CSMD1: variants seen among roughly 807,000 people sequenced by gnomAD.
CSMD1 encodes the protein CUB and sushi domain-containing protein 1.
A neutral mutation model predicts 417.5 loss-of-function variants in CSMD1; 213 were observed. The ratio of observed to expected loss-of-function variants is 0.51; its 90% CI spans 0.46 to 0.57. The LOEUF (loss-of-function observed/expected upper bound fraction) is 0.57. Among genes scored for constraint, CSMD1 ranks in the 20% least tolerant of loss-of-function variants. The probability of loss-of-function intolerance (pLI) is 0.00; values close to 1 mark genes in which losing one functional copy is unlikely to be tolerated. For synonymous variants in CSMD1, 2,862 were observed against 1,736.8 expected (o/e 1.65, Z -16.11); for missense variants, 6,923 against 4,529.7 (o/e 1.53, Z -15.17).
intron 7 of CSMD1, among the ~76,000 whole-genome samples, chr8:3,643,351 G>A (rs956647084): frequency 6.6e-6 from 1 of 152,130 alleles, no homozygotes; most frequent in South Asian, 2.1e-4. Context: ...AATCACTGAA[G>A]AAATGGGGTT....
chr8:4,167,312 C>G (rs146155043), intron 3 of CSMD1, among the ~76,000 whole-genome samples: 2 of 152,090 alleles, frequency 1.3e-5, no homozygotes, highest in African/African-American at 2.4e-5. Context: ...AGCATTCTTA[C>G]GTAACTTAGA....
intron 49 of CSMD1, among the ~76,000 whole-genome samples, chr8:3,077,571 T>C (rs1813774269): frequency 6.6e-6 from 1 of 152,202 alleles, no homozygotes; most frequent in Non-Finnish European, 1.5e-5. Flanking sequence ...TCACTTCCTT[T>C]GAATTGTTTG....
chr8:3,684,091 A>G (rs1383483426), intron 7 of CSMD1, among the ~76,000 whole-genome samples: 3 of 147,098 alleles, frequency 2.0e-5, no homozygotes, highest in African/African-American at 7.4e-5. Flanking sequence ...GCAACTTTAA[A>G]TGTATAGATA....
chr8:4,440,292 C>A (rs940338182), intron 2 of CSMD1, among the ~76,000 whole-genome samples: 1 of 152,088 alleles, frequency 6.6e-6, no homozygotes, highest in Non-Finnish European at 1.5e-5. Context: ...GGTACTATAA[C>A]CAGAAAAATG....
In CSMD1 at chr8:4,268,293, C is replaced by T. The variant is rs577443880; in HGVS notation, c.415+151660G>A. Among the ~76,000 whole-genome samples the T allele has an allele frequency of 7.2e-5, 11 of 152,196 alleles. No homozygotes were observed. The South Asian group carries it at 2.1e-3, about 29-fold the overall frequency. On this transcript the variant is annotated intron_variant, in intron 3 of 69. Transcript: ENST00000635120. ...TTTCTATATTTGAACAAAATGATGA[C>T]TACAGCTACATATAAAACCATTATG...
intron 46 of CSMD1, among the ~76,000 whole-genome samples, chr8:3,105,611 A>G (rs1563345790): frequency 6.6e-6 from 1 of 152,238 alleles, no homozygotes; most frequent in African/African-American, 2.4e-5. Flanking sequence ...CTATTATTGT[A>G]TATTGTCTAT....
intron 51 of CSMD1, among the ~76,000 whole-genome samples, chr8:3,024,886 CTGT>C (rs1809735939): frequency 1.3e-5 from 2 of 152,340 alleles, no homozygotes; most frequent in East Asian, 3.9e-4. Flanking sequence ...CACAAGACAA[CTGT>C]TGTTCGTACT....
chr8:4,496,745 G>T (rs1453332094), intron 2 of CSMD1, among the ~76,000 whole-genome samples: 1 of 152,100 alleles, frequency 6.6e-6, no homozygotes, highest in Non-Finnish European at 1.5e-5. Context: ...CTACTTGCCT[G>T]GAACAAAGCT....
chr8:3,132,840 A>C (rs1458118853), intron 41 of CSMD1, among the ~76,000 whole-genome samples: 1 of 152,198 alleles, frequency 6.6e-6, no homozygotes. Flanking sequence ...ACAAGCTCCA[A>C]CTTCTTGCCC....
chr8:4,111,991 T>C (rs1046106138), intron 3 of CSMD1, among the ~76,000 whole-genome samples: 7 of 151,608 alleles, frequency 4.6e-5, no homozygotes, highest in South Asian at 2.1e-4. Flanking sequence ...TTGTATTATT[T>C]TGTTTATACC....
At chr8:3,514,193 A>C (rs897556462) in intron 10 of CSMD1, among the ~76,000 whole-genome samples, 13 of 152,118 alleles carry the variant, frequency 8.5e-5, no homozygotes, top group Admixed American at 2.6e-4. Context: ...CCTCATGAAG[A>C]CATGCTCTTG....
At chr8:3,549,657 A>G (rs1208714949) in intron 10 of CSMD1, among the ~76,000 whole-genome samples, 1 of 152,204 alleles carries the variant, frequency 6.6e-6, no homozygotes, top group Non-Finnish European at 1.5e-5. Context: ...GGAGAAATCT[A>G]GGAGAAATCT....
chr8:4,696,174 A>G (rs1807117909), intron 1 of CSMD1, among the ~76,000 whole-genome samples: 1 of 152,252 alleles, frequency 6.6e-6, no homozygotes, highest in Non-Finnish European at 1.5e-5. Flanking sequence ...AAATGTTTTA[A>G]AGCCAGTGCA....
At chr8:4,158,106 G>A (rs1254550100) in intron 3 of CSMD1, among the ~76,000 whole-genome samples, 1 of 131,478 alleles carries the variant, frequency 7.6e-6, no homozygotes, top group Non-Finnish European at 1.6e-5. Flanking sequence ...TTTTTTTTCT[G>A]TTTGAGCTTA....
At chr8:4,271,280 C>G (rs192030359) in intron 3 of CSMD1, among the ~76,000 whole-genome samples, 64 of 152,124 alleles carry the variant, frequency 4.2e-4, no homozygotes, top group African/African-American at 1.4e-3. Context: ...GGGGTTGGTG[C>G]CCTAACAGCA....
chr8:4,562,061 G>A (rs1357377744), intron 2 of CSMD1, among the ~76,000 whole-genome samples: 1 of 152,202 alleles, frequency 6.6e-6, no homozygotes, highest in African/African-American at 2.4e-5. Context: ...CCAGCAAAGA[G>A]ACGTCAATTA....
chr8:4,943,940 A>G (rs1047420996), intron 1 of CSMD1, among the ~76,000 whole-genome samples: 2 of 152,206 alleles, frequency 1.3e-5, no homozygotes, highest in Non-Finnish European at 2.9e-5. Flanking sequence ...TTGATTATGG[A>G]AAGACAGAAA....
At chr8:4,394,417 C>T (rs577559333) in intron 3 of CSMD1, among the ~76,000 whole-genome samples, 6 of 152,268 alleles carry the variant, frequency 3.9e-5, no homozygotes, top group East Asian at 1.9e-4. Flanking sequence ...ATCAATATTT[C>T]GTCCTATTCA....
At chr8:4,074,161 C>T (rs1424765307) in intron 3 of CSMD1, among the ~76,000 whole-genome samples, 1 of 151,946 alleles carries the variant, frequency 6.6e-6, no homozygotes, top group Non-Finnish European at 1.5e-5. Context: ...ACATATAATG[C>T]ATAACTTGTA....
Sources: allele counts gnomAD v4.1 joint callset (sites outside exome capture counted in the v4.1 genomes callset), GRCh38; gene constraint gnomAD v4.1.1; transcripts MANE v1.5; gene names NCBI Gene and HGNC (gene_info 2026-07-23, HGNC 2026-07-21).